The following CHMP4B variants were observed in gnomAD, a reference collection of about 807,000 sequenced individuals.
The protein encoded by CHMP4B is SNF7 homolog associated with Alix 1.
A neutral mutation model predicts 25.1 loss-of-function variants in CHMP4B; 1 was observed. The ratio of observed to expected loss-of-function variants is 0.04; its 90% confidence interval spans 0.01 to 0.19. The LOEUF is 0.19. Among genes scored for constraint, CHMP4B ranks in the 10% least tolerant of loss-of-function variants. CHMP4B has a pLI of 1.00. For missense variants in CHMP4B, 151 were observed against 289.7 expected (o/e 0.52, Z 3.48); for synonymous variants, 101 against 115.6 (o/e 0.87, Z 0.81).
chr20:33,825,710 G>A (rs544044607), intron 1 of CHMP4B, among the ~76,000 whole-genome samples: 2 of 152,322 alleles, frequency 1.3e-5, no homozygotes, highest in East Asian at 1.9e-4. Context: ...GGTAAATGGT[G>A]CATGGGTCTA....
intron 1 of CHMP4B, among the ~76,000 whole-genome samples, chr20:33,815,219 G>A (rs973558929): frequency 2.6e-5 from 4 of 152,116 alleles, no homozygotes; most frequent in Non-Finnish European, 5.9e-5. Flanking sequence ...AATATGTTAC[G>A]CATGCCAAGC....
intron 1 of CHMP4B, among the ~76,000 whole-genome samples, chr20:33,812,224 G>T (rs1978646308): frequency 1.3e-5 from 2 of 152,222 alleles, no homozygotes. Flanking sequence ...CTTGCTGAGT[G>T]AACTTGAGCA....
At chr20:33,819,309 C>T (rs1032935449) in intron 1 of CHMP4B, among the ~76,000 whole-genome samples, 6 of 152,182 alleles carry the variant, frequency 3.9e-5, no homozygotes, top group Non-Finnish European at 8.8e-5. Context: ...AGGGCCGAGC[C>T]ATTTGTTTAG....
intron 1 of CHMP4B, among the ~76,000 whole-genome samples, chr20:33,841,557 G>T (rs1036507130): frequency 6.6e-6 from 1 of 152,170 alleles, no homozygotes; most frequent in Non-Finnish European, 1.5e-5. Flanking sequence ...GGTGCATTTT[G>T]GTTTCTGATA....
intron 1 of CHMP4B, among the ~76,000 whole-genome samples, chr20:33,845,728 G>A (rs1336542018): frequency 4.6e-5 from 7 of 152,190 alleles, no homozygotes; most frequent in African/African-American, 7.2e-5. Context: ...ACTTGATCTC[G>A]GAAGGATTCA....
intron 1 of CHMP4B, among the ~76,000 whole-genome samples, chr20:33,836,360 A>G (rs1218179527): frequency 6.6e-6 from 1 of 151,748 alleles, no homozygotes; most frequent in African/African-American, 2.4e-5. Context: ...TCTTGGGTCT[A>G]AGAATTATTA....
intron 1 of CHMP4B, among the ~76,000 whole-genome samples, chr20:33,828,091 C>T (rs1268366765): frequency 1.3e-5 from 2 of 152,194 alleles, no homozygotes; most frequent in East Asian, 1.9e-4. Context: ...AAATTAGGCC[C>T]TTTAAAACCT....
At chr20:33,838,852 T>G (rs1979458749) in intron 1 of CHMP4B, among the ~76,000 whole-genome samples, 1 of 152,136 alleles carries the variant, frequency 6.6e-6, no homozygotes, top group Non-Finnish European at 1.5e-5. Flanking sequence ...CTCTTCCTGA[T>G]CAGCTGCCCT....
chr20:33,837,846 A>G (rs762513592), intron 1 of CHMP4B, among the ~76,000 whole-genome samples: 18 of 152,376 alleles, frequency 1.2e-4, no homozygotes, highest in Non-Finnish European at 2.5e-4. Flanking sequence ...GGATCACACA[A>G]GATCAACCAG....
At position 33,853,557 on chromosome 20, in the gene CHMP4B, G is replaced by A. The variant is rs945201236; in HGVS notation, c.672G>A (p.Met224Ile). 1.2e-6 allele frequency: 2 copies of A among 1,613,834 alleles called. No homozygotes were observed. Among genetic ancestry groups the A allele is most frequent in the Non-Finnish European group, 1.7e-6 (2 of 1,179,808 alleles). The change falls in exon 5 of 5, where the codon ATG (methionine) becomes ATA (isoleucine). Residue 224 changes from methionine (M) to isoleucine (I), a missense_variant. Around this residue, in one of 3 missense-constraint regions of CHMP4B, gnomAD observed 41 missense variants for 50.9 expected, o/e 0.81. Transcript: ENST00000217402. ...AATTGGAGAACTGGGCTGGATCCATGTAATGGGGTCCAGCGCTGGCTGGGC... is the reference window on the plus strand; with the variant it reads ...AATTGGAGAACTGGGCTGGATCCATATAATGGGGTCCAGCGCTGGCTGGGC... ...MKELENWAGS[M>I]
At chr20:33,815,966 T>A (rs139704666) in intron 1 of CHMP4B, among the ~76,000 whole-genome samples, 1 of 152,288 alleles carries the variant, frequency 6.6e-6, no homozygotes, top group Non-Finnish European at 1.5e-5. Context: ...TATTCCCTGC[T>A]GGGTGTGTAG....
rs542628412 is a variant in CHMP4B, at chr20:33,826,393, G to A, written c.190+14735G>A. ...TTATGGGGTATAGATGAGGGGTAGT[G>A]GTGGCTCAGGTGGGGTGAGAGTATG... On this transcript the variant is annotated intron_variant, in intron 1 of 4. Transcript: ENST00000217402. Among the ~76,000 whole-genome samples the A allele has an allele frequency of 5.3e-5, 8 of 152,226 alleles. No individual in the cohort carries two copies. The South Asian group carries it at 1.7e-3, about 32-fold the overall frequency.
chr20:33,828,786 G>A (rs1979163787), intron 1 of CHMP4B, among the ~76,000 whole-genome samples: 1 of 150,838 alleles, frequency 6.6e-6, no homozygotes, highest in South Asian at 2.1e-4. Context: ...TTTTCGTTGA[G>A]GTATAACGTA....
intron 1 of CHMP4B, among the ~76,000 whole-genome samples, chr20:33,813,938 G>T (rs1978712224): frequency 6.6e-6 from 1 of 152,136 alleles, no homozygotes; most frequent in African/African-American, 2.4e-5. Context: ...TCACCATGTT[G>T]GTCAGGCTGG....
intron 1 of CHMP4B, among the ~76,000 whole-genome samples, chr20:33,844,761 CTT>C (rs1236212337): frequency 2.1e-4 from 30 of 142,168 alleles, no homozygotes; most frequent in Admixed American, 2.8e-4. Context: ...AGTGTTTGCT[CTT>C]TTTTTTTTTT....
chr20:33,836,856 G>T (rs1205331883), intron 1 of CHMP4B, among the ~76,000 whole-genome samples: 12 of 152,056 alleles, frequency 7.9e-5, no homozygotes, highest in Admixed American at 7.9e-4. Context: ...TTTTTTGCTT[G>T]ATGTCCAGTG....
At chr20:33,850,301 G>A (rs1979810732) in intron 2 of CHMP4B, among the ~76,000 whole-genome samples, 1 of 152,174 alleles carries the variant, frequency 6.6e-6, no homozygotes, top group Admixed American at 6.5e-5. Context: ...TTGTCTGAGG[G>A]TGGATGTTCA....
At chr20:33,831,095 AT>A (rs556330396) in intron 1 of CHMP4B, among the ~76,000 whole-genome samples, 26,949 of 134,636 alleles carry the variant, frequency 0.2, 2,867 homozygotes, top group East Asian at 0.57. Context: ...TGCTCAGCTA[AT>A]TTTTTTTTTT....
At chr20:33,841,669 A>G (rs1979545617) in intron 1 of CHMP4B, among the ~76,000 whole-genome samples, 1 of 152,022 alleles carries the variant, frequency 6.6e-6, no homozygotes, top group Non-Finnish European at 1.5e-5. Context: ...TATCAACAGC[A>G]CTCATTAGGG....
Sources: gnomAD v4.1 joint callset for allele counts (sites outside exome capture counted in the v4.1 genomes callset) on GRCh38, gnomAD v4.1.1 for gene constraint, gnomAD v4.1.1 regional missense constraint, MANE v1.5 for transcripts, NCBI Gene and HGNC (gene_info 2026-07-23, HGNC 2026-07-21) for gene names.